CACNA1D: variants seen among roughly 807,000 people sequenced by gnomAD.
CACNA1D encodes the protein calcium voltage-gated channel subunit alpha1 D.
CACNA1D carries 55 observed loss-of-function variants against 257.1 expected under a neutral mutation model. That is an observed-to-expected ratio of 0.21 (90% CI 0.17 to 0.27). The LOEUF (loss-of-function observed/expected upper bound fraction) is 0.27, where lower values mean the gene tolerates loss of function less well. CACNA1D is among the 10% of genes least tolerant of loss of function. The probability of loss-of-function intolerance (pLI) is 1.00; values close to 1 mark genes in which losing one functional copy is unlikely to be tolerated. For synonymous variants in CACNA1D, 980 were observed against 1,014.9 expected (o/e 0.97, Z 0.65); for missense variants, 1,876 against 2,784.0 (o/e 0.67, Z 7.34).
intron 22 of CACNA1D, among the ~76,000 whole-genome samples, chr3:53,744,330 G>T (rs2095146607): frequency 6.6e-6 from 1 of 151,976 alleles, no homozygotes; most frequent in Non-Finnish European, 1.5e-5. Flanking sequence ...CTCTCCACCA[G>T]ACTGTGAGCT....
intron 8 of CACNA1D, among the ~76,000 whole-genome samples, chr3:53,677,079 A>G (rs561294852): frequency 1.6e-4 from 25 of 152,290 alleles, no homozygotes; most frequent in Admixed American, 3.3e-4. Flanking sequence ...TTGTTAATTG[A>G]ACTCCCTTTT....
chr3:53,718,486 T>A (rs963117253), intron 10 of CACNA1D, 98 bp downstream of exon 10: 4 of 1,096,600 alleles, frequency 3.6e-6, no homozygotes, highest in Middle Eastern at 2.0e-4. Context: ...CCCCGGGCCA[T>A]CGCCTTGGGT....
rs149733027 is a variant in CACNA1D, at chr3:53,522,133, G to A, written c.483+20413G>A. On this transcript the variant is annotated intron_variant, in intron 3 of 47. Transcript: ENST00000350061. ...CCTGAGTGACAGAGCGAGAAGCTGG[G>A]GGAAAAAAAACCACATTTCCATTGT... Among the ~76,000 whole-genome samples, 1,505 of 152,086 alleles carry A rather than the reference G, an allele frequency of 9.9e-3. 23 individuals carry two copies. Among genetic ancestry groups the A allele is most frequent in the Non-Finnish European group, 0.013 (906 of 67,986 alleles).
intron 2 of CACNA1D, 35 bp from the exon 3 acceptor site, chr3:53,501,580 C>A: frequency 9.1e-7 from 1 of 1,093,630 alleles, no homozygotes; most frequent in Non-Finnish European, 1.4e-6. Flanking sequence ...GTTTATGTTT[C>A]CATAACACAT....
Position 53,774,290 on chromosome 3 carries a change from G to A in CACNA1D, c.4111-297G>A. 2.5e-6 allele frequency: 1 copy of A among 398,730 alleles called. No individual in the cohort carries two copies. The highest frequency in any genetic ancestry group is 2.4e-5 in the South Asian group (1 of 41,772). The allele number at this position is 398,730 out of a possible 1,614,324, so 24.7% of individuals were successfully genotyped here. ...CTGTCTCACGCTTCCCTGTGTGTCT[G>A]GACCACCCCAGCATCATCACTGGGG... is the stretch of plus-strand genomic sequence containing the variant. On this transcript the variant is annotated intron_variant, in intron 33 of 47. Transcript: ENST00000350061. The surrounding 1 kb of genome is among the most constrained non-coding windows in gnomAD (Gnocchi z 4.3).
intron 3 of CACNA1D, among the ~76,000 whole-genome samples, chr3:53,508,460 G>C (rs1485611580): frequency 2.6e-5 from 4 of 152,026 alleles, no homozygotes; most frequent in Non-Finnish European, 5.9e-5. Flanking sequence ...TATCTTTTCT[G>C]TTCCTCTCTC....
intron 3 of CACNA1D, among the ~76,000 whole-genome samples, chr3:53,636,699 A>G (rs899409271): frequency 1.3e-5 from 2 of 152,266 alleles, no homozygotes; most frequent in African/African-American, 4.8e-5. Flanking sequence ...TGCTGGATAC[A>G]AAGCACTGAA....
chr3:53,798,317 G>C (rs1559706517), intron 40 of CACNA1D, among the ~76,000 whole-genome samples: 2 of 148,330 alleles, frequency 1.3e-5, no homozygotes. Context: ...GCGTGTGTGT[G>C]TGTGTGTGTG....
chr3:53,666,342 T>C lies in CACNA1D; in HGVS notation c.923T>C (p.Ile308Thr). Residue 308 changes from isoleucine to threonine, a missense_variant, in exon 7 of 48, where the codon ATC (isoleucine) becomes ACC (threonine). Physicochemically the swap from Ile to Thr is moderately conservative, Grantham distance 89. Coordinates refer to ENST00000350061, the MANE Select transcript of CACNA1D (RefSeq NM_001128840.3). Reference sequence around the variant, plus strand: ...AGCCTGTTTGCTCTGTTTGCAGATATCGTAGCTGAAGAGGACCCAGCTCCA... The same window carrying C: ...AGCCTGTTTGCTCTGTTTGCAGATACCGTAGCTGAAGAGGACCCAGCTCCA... ...HKTCFFADSD[I>T]VAEEDPAPCA... The C allele has an allele frequency of 4.3e-6, 7 of 1,613,650 alleles. No homozygotes were observed. The highest frequency in any genetic ancestry group is 3.3e-5 in the Admixed American group (2 of 60,014).
chr3:53,772,249 G>A (rs1272585896), intron 32 of CACNA1D, among the ~76,000 whole-genome samples: 1 of 152,116 alleles, frequency 6.6e-6, no homozygotes, highest in Non-Finnish European at 1.5e-5. Context: ...CTTTCAGAAG[G>A]TGTACATCTT....
chr3:53,633,470 G>C (rs140661941), intron 3 of CACNA1D, among the ~76,000 whole-genome samples: 15 of 103,040 alleles, frequency 1.5e-4, no homozygotes, highest in East Asian at 3.7e-4. Flanking sequence ...AAACAAAAAG[G>C]CTGAGTTAGA....
At chr3:53,734,016 GTATATATATATA>G (rs58714566) in intron 19 of CACNA1D, among the ~76,000 whole-genome samples, 1,553 of 131,602 alleles carry the variant, frequency 0.012, 39 homozygotes, top group African/African-American at 0.041. Context: ...ATATGTGTGT[GTATATATATATA>G]TATATATATA....
intron 3 of CACNA1D, among the ~76,000 whole-genome samples, chr3:53,606,385 G>A (rs1305769008): frequency 6.6e-6 from 1 of 152,174 alleles, no homozygotes. Context: ...TGTGACCTCT[G>A]GTTACAGCAA....
intron 3 of CACNA1D, among the ~76,000 whole-genome samples, chr3:53,516,921 C>G (rs1313376818): frequency 6.6e-6 from 1 of 152,204 alleles, no homozygotes; most frequent in Non-Finnish European, 1.5e-5. Context: ...TTCACTGTTG[C>G]AGTGCTGTGC....
At chr3:53,583,786 G>T (rs1263939228) in intron 3 of CACNA1D, among the ~76,000 whole-genome samples, 1 of 151,850 alleles carries the variant, frequency 6.6e-6, no homozygotes, top group Non-Finnish European at 1.5e-5. Context: ...GAGCTGTAAG[G>T]TGCTGGAATG....
Position 53,723,586 on chromosome 3 carries a change from C to T in CACNA1D, c.1819C>T (p.Leu607=). 2 of 1,614,076 alleles carry T rather than the reference C, an allele frequency of 1.2e-6. No homozygotes were observed. The highest frequency in any genetic ancestry group is 1.7e-6 in the Non-Finnish European group (2 of 1,180,016). Residue 607 remains leucine, a synonymous_variant, in exon 13 of 48, where the codon CTG becomes TTG. Transcript: ENST00000350061. This position sits in a 1 kb window ranked among gnomAD's most constrained non-coding sequence, Gnocchi z 5.6. ...GGITETILVE[L]EIMSPLGISV... is the part of the protein sequence containing the mutation. ...AATCACTGAGACGATCTTGGTGGAA[C>T]TGGAAATCATGTCTCCCCTGGGGAT...
At chr3:53,523,670 A>G (rs2091660409) in intron 3 of CACNA1D, among the ~76,000 whole-genome samples, 1 of 152,240 alleles carries the variant, frequency 6.6e-6, no homozygotes, top group African/African-American at 2.4e-5. Flanking sequence ...TATTTAACCC[A>G]CGTTAGGCAC....
chr3:53,629,884 T>C (rs905019297), intron 3 of CACNA1D, among the ~76,000 whole-genome samples: 7 of 152,204 alleles, frequency 4.6e-5, no homozygotes, highest in African/African-American at 7.2e-5. Context: ...CATATTGCAT[T>C]GCTGACTGAC....
intron 3 of CACNA1D, among the ~76,000 whole-genome samples, chr3:53,557,450 C>T (rs540760956): frequency 7.2e-5 from 11 of 151,908 alleles, no homozygotes; most frequent in Non-Finnish European, 1.0e-4. Context: ...GCCGAGATTG[C>T]GCCATTGCAC....
Sources: allele counts gnomAD v4.1 joint callset (sites outside exome capture counted in the v4.1 genomes callset), GRCh38; gene constraint gnomAD v4.1.1; non-coding constraint Gnocchi (gnomAD v3.1); transcripts MANE v1.5; gene names NCBI Gene and HGNC (gene_info 2026-07-23, HGNC 2026-07-21).